USP12: variants seen among roughly 807,000 people sequenced by gnomAD.
The protein encoded by USP12 is ubiquitin specific peptidase 12.
Under a neutral mutation model 45.5 loss-of-function variants are expected in USP12, and 19 were observed. The observed-to-expected ratio is 0.42, with a 90% CI of 0.29 to 0.61. The LOEUF (loss-of-function observed/expected upper bound fraction) is 0.61. Among genes scored for constraint, USP12 ranks in the 20% least tolerant of loss-of-function variants. USP12 has a pLI of 0.22. For synonymous variants in USP12, 149 were observed against 148.8 expected, an observed-to-expected ratio of 1.00 and a Z score of -0.01; for missense variants, 242 against 447.7, an observed-to-expected ratio of 0.54 and a Z score of 4.15.
rs758984997 is a variant in USP12, at chr13:27,086,317, A to C, written c.734+3566T>G. On this transcript the variant is annotated intron_variant, in intron 6 of 8. Transcript: ENST00000282344. The stretch of plus-strand genomic sequence containing the variant: ...CACACACACACACACACAATGCAGC[A>C]CCTCCTAAGAAGGATATAAAAATAT... Among the ~76,000 whole-genome samples, 67 of 142,950 alleles carry C rather than the reference A, an allele frequency of 4.7e-4. 1 individual carries two copies. In the Middle Eastern group the frequency reaches 0.016, roughly 34 times the overall value. 93.8% of individuals were successfully genotyped at this position (142,950 alleles called of 152,430 possible).
intron 3 of USP12, among the ~76,000 whole-genome samples, chr13:27,100,368 ATTCTG>A (rs1874810457): frequency 6.6e-6 from 1 of 151,972 alleles, no homozygotes; most frequent in Admixed American, 6.5e-5. Context: ...TAGGTCCTCC[ATTCTG>A]TTCTAAACAA....
At chr13:27,103,598 C>CAAAAAAAAAAAAAAAA in intron 3 of USP12, among the ~76,000 whole-genome samples, 1 of 128,750 alleles carries the variant, frequency 7.8e-6, no homozygotes, top group Non-Finnish European at 1.6e-5. Context: ...ATTGAACTAT[C>CAAAAAAAAAAAAAAAA]AAAAAAAAAA....
intron 3 of USP12, 135 bp downstream of exon 3, chr13:27,105,596 A>G: frequency 1.3e-6 from 1 of 782,386 alleles, no homozygotes; most frequent in Non-Finnish European, 2.0e-6. Flanking sequence ...CTTTGAAGAA[A>G]GGCGTGTCAT....
At chr13:27,124,790 A>T (rs1876150298) in intron 1 of USP12, among the ~76,000 whole-genome samples, 1 of 152,274 alleles carries the variant, frequency 6.6e-6, no homozygotes, top group South Asian at 2.1e-4. Flanking sequence ...AGTTCATCTC[A>T]TAAATGAGAA....
At chr13:27,163,121 T>C (rs1049202359) in intron 1 of USP12, among the ~76,000 whole-genome samples, 1 of 152,194 alleles carries the variant, frequency 6.6e-6, no homozygotes, top group African/African-American at 2.4e-5. Flanking sequence ...GAAAAATCAA[T>C]GTAATTCAAT....
chr13:27,087,281 G>A (rs1874103982), intron 6 of USP12, among the ~76,000 whole-genome samples: 2 of 149,506 alleles, frequency 1.3e-5, no homozygotes, highest in East Asian at 1.9e-4. Context: ...GTGTGTGTGT[G>A]TGCGCGCACG....
chr13:27,148,430 C>T (rs2137828395), intron 1 of USP12, among the ~76,000 whole-genome samples: 1 of 151,768 alleles, frequency 6.6e-6, no homozygotes, highest in South Asian at 2.1e-4. Flanking sequence ...AATGCCAGCA[C>T]TTTGGGAGGC....
At chr13:27,085,565 T>C (rs1235306249) in intron 6 of USP12, among the ~76,000 whole-genome samples, 1 of 152,076 alleles carries the variant, frequency 6.6e-6, no homozygotes, top group Non-Finnish European at 1.5e-5. Flanking sequence ...GACGGAGAAC[T>C]ATAAACTTTC....
intron 1 of USP12, among the ~76,000 whole-genome samples, chr13:27,159,842 C>A (rs556877537): frequency 6.6e-6 from 1 of 152,268 alleles, no homozygotes; most frequent in Non-Finnish European, 1.5e-5. Context: ...ATGGCAAGAA[C>A]ATCACGGTAG....
intron 1 of USP12, among the ~76,000 whole-genome samples, chr13:27,124,763 A>G (rs1229865908): frequency 6.6e-6 from 1 of 152,252 alleles, no homozygotes; most frequent in Non-Finnish European, 1.5e-5. Flanking sequence ...ATGAATCCAA[A>G]GTATAAAGGT....
At chr13:27,103,629 A>AATAATAATG in intron 3 of USP12, among the ~76,000 whole-genome samples, 1 of 148,658 alleles carries the variant, frequency 6.7e-6, no homozygotes. Flanking sequence ...TAATAATAAT[A>AATAATAATG]AGGCCAGACA....
At chr13:27,116,696 A>G (rs1875759722) in intron 1 of USP12, 100 bp from the exon 2 acceptor site, 1 of 1,061,192 alleles carries the variant, frequency 9.4e-7, no homozygotes, top group Non-Finnish European at 1.4e-6. Flanking sequence ...GTCCTATCAC[A>G]TTACGATGGA....
intron 2 of USP12, among the ~76,000 whole-genome samples, chr13:27,109,310 TTG>T (rs2137790337): frequency 6.6e-6 from 1 of 152,318 alleles, no homozygotes; most frequent in African/African-American, 2.4e-5. Flanking sequence ...CAACTGAATA[TTG>T]TGTGTCTTTT....
chr13:27,095,078 C>T (rs908961287), intron 4 of USP12, among the ~76,000 whole-genome samples: 1 of 152,110 alleles, frequency 6.6e-6, no homozygotes, highest in African/African-American at 2.4e-5. Flanking sequence ...TTGCTTGAGC[C>T]CAGGAAGTCG....
intron 3 of USP12, among the ~76,000 whole-genome samples, chr13:27,102,816 ATT>A (rs1874935782): frequency 6.6e-6 from 1 of 152,168 alleles, no homozygotes; most frequent in Non-Finnish European, 1.5e-5. Flanking sequence ...CTGAAGGCAT[ATT>A]TCTGTATCAT....
intron 1 of USP12, among the ~76,000 whole-genome samples, chr13:27,167,456 T>TA (rs1488928664): frequency 2.0e-5 from 3 of 152,100 alleles, no homozygotes; most frequent in Non-Finnish European, 4.4e-5. Context: ...ATACTTCTTC[T>TA]AAATGTTCTC....
At chr13:27,069,667 G>A (rs554807855) in intron 8 of USP12, among the ~76,000 whole-genome samples, 12 of 152,172 alleles carry the variant, frequency 7.9e-5, no homozygotes, top group African/African-American at 2.7e-4. Context: ...TAACTTCTAG[G>A]CTGGGCACAC....
At chr13:27,166,993 T>G (rs7318227) in intron 1 of USP12, among the ~76,000 whole-genome samples, 1 of 151,918 alleles carries the variant, frequency 6.6e-6, no homozygotes, top group Non-Finnish European at 1.5e-5. Flanking sequence ...CATTCGTGGG[T>G]AAACAGTGTA....
intron 1 of USP12, among the ~76,000 whole-genome samples, chr13:27,135,252 A>G (rs1051649430): frequency 2.0e-5 from 3 of 152,246 alleles, no homozygotes; most frequent in African/African-American, 7.2e-5. Context: ...AACCTGGGCA[A>G]TAAAGCAAGC....
Sources: allele counts gnomAD v4.1 joint callset (sites outside exome capture counted in the v4.1 genomes callset), GRCh38; gene constraint gnomAD v4.1.1; transcripts MANE v1.5; gene names NCBI Gene and HGNC (gene_info 2026-07-23, HGNC 2026-07-21).